PIP5K1C: variants seen among roughly 807,000 people sequenced by gnomAD.
The protein encoded by PIP5K1C is phosphatidylinositol-4-phosphate 5-kinase type 1 gamma, also known as phosphatidylinositol 4-phosphate 5-kinase type-1 gamma.
In PIP5K1C, 45 loss-of-function variants were observed where a neutral mutation model predicts 80.1. The observed-to-expected ratio is 0.56, with a 90% CI of 0.44 to 0.72. The LOEUF is 0.72. Ranked by LOEUF, PIP5K1C falls within the 30% of genes least tolerant of loss-of-function variation. The pLI is 0.00. For missense variants in PIP5K1C, 753 were observed against 954.6 expected (o/e 0.79, Z 2.78); for synonymous variants, 498 against 420.1 (o/e 1.19, Z -2.27).
chr19:3,665,577 C>T (rs928135302), intron 2 of PIP5K1C, among the ~76,000 whole-genome samples: 2 of 152,084 alleles, frequency 1.3e-5, no homozygotes, highest in East Asian at 1.9e-4. Context: ...TGGTGGGAGT[C>T]GTAACTCCTC....
rs150043490 is a variant in PIP5K1C, at chr19:3,632,915, G to C, written c.*252C>G. On this transcript the variant is annotated 3_prime_UTR_variant, in exon 18 of 18. Coordinates refer to ENST00000335312, the MANE Select transcript of PIP5K1C (RefSeq NM_012398.3). The stretch of plus-strand genomic sequence containing the variant: ...GTGCTTCCGTCTCTGTGCCAAATAA[G>C]GACTCAAATGCGATTGGCCGCTCGG... 2.8e-3 allele frequency: 1,431 copies of C among 519,286 alleles called. 33 individuals carry two copies. In the East Asian group the frequency reaches 0.04, roughly 15 times the overall value. 32.2% of individuals were successfully genotyped at this position (519,286 alleles called of 1,614,324 possible).
In PIP5K1C at chr19:3,692,706, C is replaced by T. The variant is rs563098244; in HGVS notation, c.94+7591G>A. Reference sequence around the variant, plus strand: ...AGCCACCAGGGGGTGCCTGTGAGCTCCTGAGTCTCGCCCATCCCTCCTCTG... The same window carrying T: ...AGCCACCAGGGGGTGCCTGTGAGCTTCTGAGTCTCGCCCATCCCTCCTCTG... On this transcript the variant is annotated intron_variant, in intron 1 of 17. Coordinates refer to ENST00000335312, the MANE Select transcript of PIP5K1C (RefSeq NM_012398.3). The surrounding 1 kb of genome is among the most constrained non-coding windows in gnomAD (Gnocchi z 5.2). Among the ~76,000 whole-genome samples, 11 of 152,110 alleles carry T rather than the reference C, an allele frequency of 7.2e-5. No individual in the cohort carries two copies. In the East Asian group the frequency reaches 2.1e-3, roughly 29 times the overall value.
rs34811892 is a variant in PIP5K1C at position 3,648,018 on chromosome 19, AT to A, written c.1211+606del. Among the ~76,000 whole-genome samples the A allele has an allele frequency of 0.36, 55,072 of 151,414 alleles. 11,486 individuals carry two copies. Among genetic ancestry groups the A allele is most frequent in the Non-Finnish European group, 0.48 (32,821 of 67,742 alleles). ...GTGAGGCCTCAAACCCACTCCTTGGATTTTCTTTTTTCTTTTTTTTTGGGAC... is the reference window on the plus strand; with the variant it reads ...GTGAGGCCTCAAACCCACTCCTTGGATTTCTTTTTTCTTTTTTTTTGGGAC... On this transcript the variant is annotated intron_variant, in intron 9 of 17. Coordinates refer to ENST00000335312, the MANE Select transcript of PIP5K1C (RefSeq NM_012398.3). The surrounding 1 kb of genome is among the most constrained non-coding windows in gnomAD (Gnocchi z 4.3).
chr19:3,653,236 C>T, intron 7 of PIP5K1C, 54 bp downstream of exon 7: 1 of 1,557,848 alleles, frequency 6.4e-7, no homozygotes, highest in Non-Finnish European at 8.7e-7. Context: ...GCCGAGCCCT[C>T]ACCACGCAGT....
chr19:3,646,720 A>G (rs368377179), intron 10 of PIP5K1C, among the ~76,000 whole-genome samples: 8 of 152,302 alleles, frequency 5.3e-5, no homozygotes, highest in African/African-American at 1.9e-4. Flanking sequence ...CTCAAGGCTT[A>G]TTCTGGAAGC....
In PIP5K1C at chr19:3,700,334, C is replaced by A; in HGVS notation, c.57G>T (p.Ser19=). The change falls in exon 1 of 18, where the codon TCG becomes TCT. Residue 19 remains serine, a synonymous_variant. Transcript: ENST00000335312. ...CGCTCTCTGCCGCCCACGCCGCCTC[C>A]GAGGGCACGGCCCCCGCCTCAGCGC... ...AESAEAGAVP[S]EAAWAAESGA... 1 of 1,295,538 alleles carries A rather than the reference C, an allele frequency of 7.7e-7. No homozygotes were observed. The allele number at this position is 1,295,538 out of a possible 1,614,324, so 80.3% of individuals were successfully genotyped here.
intron 1 of PIP5K1C, among the ~76,000 whole-genome samples, chr19:3,687,479 G>T (rs978065087): frequency 7.0e-6 from 1 of 142,016 alleles, no homozygotes; most frequent in Non-Finnish European, 1.5e-5. Flanking sequence ...TGTGGGAAGG[G>T]GACACAGACG....
chr19:3,670,239 C>T (rs944420643), intron 1 of PIP5K1C, among the ~76,000 whole-genome samples: 14 of 152,284 alleles, frequency 9.2e-5, no homozygotes, highest in Admixed American at 2.0e-4. Flanking sequence ...GGTGTCCCTC[C>T]GACATTCACG....
Position 3,647,315 on chromosome 19 carries a change from G to GGGA in PIP5K1C, c.1260+20_1260+22dup, listed in dbSNP as rs887635529. On this transcript the variant is annotated intron_variant, in intron 10 of 17. Coordinates refer to ENST00000335312, the MANE Select transcript of PIP5K1C (RefSeq NM_012398.3). ...GAGGAGGAGGGATGGGAGGAGGAAT[G>GGGA]GGAGGAGGGTGCAGGCGCTCACCCC... The GGGA allele has an allele frequency of 3.2e-6, 5 of 1,558,650 alleles. No individual in the cohort carries two copies. In the African/African-American group the frequency reaches 6.8e-5, roughly 21 times the overall value.
chr19:3,630,500 T>A lies in PIP5K1C; in HGVS notation c.*2667A>T, dbSNP rs965241745. ...ACTGGGTTGGGGACAGGCGGAGCGA[T>A]TGAACCACCGGAGATGAGGAGGAGG... On this transcript the variant is annotated 3_prime_UTR_variant, in exon 18 of 18. Coordinates refer to ENST00000335312, the MANE Select transcript of PIP5K1C (RefSeq NM_012398.3). 6.6e-6 allele frequency: 1 copy of A among 152,368 alleles called. No individual in the cohort carries two copies. Among genetic ancestry groups the A allele is most frequent in the African/African-American group, 2.4e-5 (1 of 41,354 alleles). 9.4% of individuals were successfully genotyped at this position (152,368 alleles called of 1,614,324 possible). A position where few individuals can be genotyped will look rare whatever the true frequency, so the allele number is the denominator to read the frequency against.
intron 1 of PIP5K1C, among the ~76,000 whole-genome samples, chr19:3,694,772 G>T (rs1405650033): frequency 6.6e-6 from 1 of 152,320 alleles, no homozygotes; most frequent in East Asian, 1.9e-4. Context: ...CCCTTATTCA[G>T]CTCGTGGGGA....
chr19:3,691,317 C>T (rs190026144), intron 1 of PIP5K1C, among the ~76,000 whole-genome samples: 30 of 152,304 alleles, frequency 2.0e-4, no homozygotes, highest in Non-Finnish European at 3.5e-4. Context: ...CTGGATTTTA[C>T]GACATCTTGG....
chr19:3,635,188 G>A (rs1164944487), intron 16 of PIP5K1C, among the ~76,000 whole-genome samples: 1 of 152,248 alleles, frequency 6.6e-6, no homozygotes, highest in Non-Finnish European at 1.5e-5. Context: ...CTCTCTGGGA[G>A]GGGCATCCCG....
Position 3,637,603 on chromosome 19 carries a change from C to A in PIP5K1C, c.1920+1281G>T, listed in dbSNP as rs1042433489. ...GCGGGGAGAGTAAATCCAGTACCTC[C>A]CATCCGTGAACTGGACGGGGCGGGC... On this transcript the variant is annotated intron_variant, in intron 16 of 17. Transcript: ENST00000335312. This position sits in a 1 kb window ranked among gnomAD's most constrained non-coding sequence, Gnocchi z 7.0. The A allele has an allele frequency of 1.3e-6, 2 of 1,530,576 alleles. No individual in the cohort carries two copies. Among genetic ancestry groups the A allele is most frequent in the African/African-American group, 2.7e-5 (2 of 72,814 alleles). The allele number at this position is 1,530,576 out of a possible 1,614,324, so 94.8% of individuals were successfully genotyped here.
At chr19:3,685,531 C>A (rs1215753542) in intron 1 of PIP5K1C, among the ~76,000 whole-genome samples, 2 of 152,054 alleles carry the variant, frequency 1.3e-5, no homozygotes, top group Non-Finnish European at 2.9e-5. Flanking sequence ...GAGATCGAGA[C>A]CATCCTGGCT....
intron 1 of PIP5K1C, among the ~76,000 whole-genome samples, chr19:3,677,461 T>C (rs1188500065): frequency 6.6e-6 from 1 of 151,788 alleles, no homozygotes; most frequent in Non-Finnish European, 1.5e-5. Context: ...CCAGTGCCTG[T>C]AATCCCAGCT....
At position 3,652,008 on chromosome 19, in the gene PIP5K1C, C is replaced by T; in HGVS notation, c.945G>A (p.Met315Ile). 2 of 1,613,196 alleles carry T rather than the reference C, an allele frequency of 1.2e-6. No homozygotes were observed. Among genetic ancestry groups the T allele is most frequent in the Non-Finnish European group, 1.7e-6 (2 of 1,179,986 alleles). ...DCLVLESFKI[M>I]DYSLLLGVHN... ...GCACGCCCAGCAGCAGGCTGTAGTC[C>T]ATGATCTTGAAACTTTCCAGGACCT... Residue 315 changes from methionine (M) to isoleucine (I), a missense_variant, in exon 8 of 18, where the codon ATG (methionine) becomes ATA (isoleucine). Around this residue, in one of 6 missense-constraint regions of PIP5K1C, gnomAD observed 105 missense variants for 133.4 expected, o/e 0.79. Transcript: ENST00000335312.
intron 7 of PIP5K1C, 81 bp from the exon 8 acceptor site, chr19:3,652,112 C>G: frequency 7.2e-7 from 1 of 1,381,272 alleles, no homozygotes; most frequent in East Asian, 2.3e-5. Context: ...ATGGGGTTCC[C>G]AGCACGGATG....
At chr19:3,636,686 C>T in intron 16 of PIP5K1C, 1 of 985,708 alleles carries the variant, frequency 1.0e-6, no homozygotes, top group South Asian at 4.7e-5. Context: ...TGGTCTCCAC[C>T]TCTTGGGGTC....
Sources: allele counts gnomAD v4.1 joint callset (sites outside exome capture counted in the v4.1 genomes callset), GRCh38; gene constraint gnomAD v4.1.1; regional missense constraint gnomAD v4.1.1; non-coding constraint Gnocchi (gnomAD v3.1); transcripts MANE v1.5; gene names NCBI Gene and HGNC (gene_info 2026-07-23, HGNC 2026-07-21).